Variants in SASH1 observed in about 807,000 individuals in gnomAD.
SASH1 encodes the protein SAM and SH3 domain containing 1.
Under a neutral mutation model 125.2 loss-of-function variants are expected in SASH1, and 44 were observed. The observed-to-expected ratio is 0.35, with a 90% confidence interval of 0.28 to 0.45. SASH1 has a LOEUF of 0.45. Ranked by LOEUF, SASH1 falls within the 20% of genes least tolerant of loss-of-function variation. The pLI is 1.00. For missense variants in SASH1, 1,426 were observed against 1,614.5 expected (o/e 0.88, Z 2.00); for synonymous variants, 639 against 649.1 (o/e 0.98, Z 0.24).
At chr6:148,385,317 A>G (rs1184802391) in intron 1 of SASH1, among the ~76,000 whole-genome samples, 1 of 152,032 alleles carries the variant, frequency 6.6e-6, no homozygotes, top group Non-Finnish European at 1.5e-5. Context: ...TTATTGGGGG[A>G]GTTTTGAGTG....
At chr6:148,484,937 T>C (rs1213514231) in intron 7 of SASH1, among the ~76,000 whole-genome samples, 1 of 152,098 alleles carries the variant, frequency 6.6e-6, no homozygotes, top group Non-Finnish European at 1.5e-5. Context: ...AGCGAGACCC[T>C]GTTACAGAAA....
intron 1 of SASH1, among the ~76,000 whole-genome samples, chr6:148,323,820 G>A (rs1325971637): frequency 6.6e-6 from 1 of 151,942 alleles, no homozygotes; most frequent in Middle Eastern, 3.2e-3. Context: ...ATAGAAGACT[G>A]AGGCTCTCCA....
intron 12 of SASH1, among the ~76,000 whole-genome samples, 159 bp from the exon 13 acceptor site, chr6:148,531,367 C>T (rs779369841): frequency 1.9e-4 from 29 of 151,868 alleles, no homozygotes; most frequent in African/African-American, 5.6e-4. Context: ...TAAAAGTAAG[C>T]GAGGATGTAA....
the SASH1 span, among the ~76,000 whole-genome samples, chr6:148,245,139 T>C: frequency 6.6e-6 from 1 of 152,282 alleles, no homozygotes; most frequent in South Asian, 2.1e-4. Context: ...ATTTAGAATT[T>C]TAGAATCTGC....
chr6:148,278,500 T>C (rs1447654185), intron 1 of SASH1, among the ~76,000 whole-genome samples: 2 of 152,086 alleles, frequency 1.3e-5, no homozygotes, highest in Admixed American at 1.3e-4. Flanking sequence ...AATACTGAAT[T>C]AAATTAAATT....
rs983635984 is a variant in SASH1, at chr6:148,544,849, C to T, written c.3348+31C>T. ...AAAGGTCCTGGGCCCACCACGTTCA[C>T]AGGCCTTTGTTTGTAGAAGTCAGGC... is the stretch of plus-strand genomic sequence containing the variant. On this transcript the variant is annotated intron_variant, in intron 18 of 19. Coordinates refer to ENST00000367467, the MANE Select transcript of SASH1 (RefSeq NM_015278.5). This position sits in a 1 kb window ranked among gnomAD's most constrained non-coding sequence, Gnocchi z 6.4. 2 of 1,523,716 alleles carry T rather than the reference C, an allele frequency of 1.3e-6. No homozygotes were observed. Among genetic ancestry groups the T allele is most frequent in the Non-Finnish European group, 1.8e-6 (2 of 1,133,664 alleles). The allele number at this position is 1,523,716 out of a possible 1,614,324, so 94.4% of individuals were successfully genotyped here.
chr6:148,371,424 A>AT lies in SASH1; in HGVS notation c.157-18695dup, dbSNP rs796355261. Among the ~76,000 whole-genome samples, 447 of 141,494 alleles carry AT rather than the reference A, an allele frequency of 3.2e-3. 4 individuals carry two copies. The highest frequency in any genetic ancestry group is 7.4e-3 in the Middle Eastern group (2 of 272). 92.8% of individuals were successfully genotyped at this position (141,494 alleles called of 152,430 possible). On this transcript the variant is annotated intron_variant, in intron 1 of 19. Transcript: ENST00000367467. ...GGCACCCGCCAGTACACCTAGCTAA[A>AT]TTTTTTTTTTTTTTTGTATTTTTAG...
chr6:148,414,452 C>G (rs1188375673), intron 2 of SASH1, among the ~76,000 whole-genome samples: 1 of 152,084 alleles, frequency 6.6e-6, no homozygotes, highest in African/African-American at 2.4e-5. Flanking sequence ...GTGATTTAGT[C>G]TCTCTGAGCT....
At chr6:148,384,273 T>G (rs1028457284) in intron 1 of SASH1, among the ~76,000 whole-genome samples, 2 of 152,142 alleles carry the variant, frequency 1.3e-5, no homozygotes, top group Non-Finnish European at 2.9e-5. Flanking sequence ...GAACTAATAT[T>G]GCTTAAGTTT....
chr6:148,232,097 A>G, the SASH1 span, among the ~76,000 whole-genome samples: 1 of 152,158 alleles, frequency 6.6e-6, no homozygotes, highest in South Asian at 2.1e-4. Context: ...CTTACTCGGT[A>G]TGATCTGGAC....
chr6:148,368,770 G>GCACGCGCACACA (rs1554245333), intron 1 of SASH1, among the ~76,000 whole-genome samples: 5 of 135,720 alleles, frequency 3.7e-5, no homozygotes, highest in African/African-American at 1.1e-4. Context: ...GCACGCGCGC[G>GCACGCGCACACA]CACACACACA....
At chr6:148,494,055 G>T (rs910101110) in intron 8 of SASH1, among the ~76,000 whole-genome samples, 19 of 151,996 alleles carry the variant, frequency 1.3e-4, no homozygotes, top group African/African-American at 4.6e-4. Flanking sequence ...CTGTTTTACC[G>T]GGTTTTCTAG....
chr6:148,417,518 G>C (rs1385017277), intron 2 of SASH1, among the ~76,000 whole-genome samples: 1 of 152,136 alleles, frequency 6.6e-6, no homozygotes, highest in African/African-American at 2.4e-5. Context: ...CTAGGAGGCA[G>C]AGGTTGCAGT....
At chr6:148,236,325 C>T in the SASH1 span, among the ~76,000 whole-genome samples, 7 of 152,102 alleles carry the variant, frequency 4.6e-5, no homozygotes, top group East Asian at 7.8e-4. Flanking sequence ...GTGATTCTCC[C>T]GCCTCAGCCT....
At chr6:148,393,451 G>C (rs892032656) in intron 2 of SASH1, among the ~76,000 whole-genome samples, 1 of 152,016 alleles carries the variant, frequency 6.6e-6, no homozygotes, top group Admixed American at 6.6e-5. Flanking sequence ...TGATTGCTGT[G>C]AACTGGCAGA....
At chr6:148,448,839 AC>A (rs1776935425) in intron 4 of SASH1, among the ~76,000 whole-genome samples, 1 of 151,718 alleles carries the variant, frequency 6.6e-6, no homozygotes, top group Non-Finnish European at 1.5e-5. Context: ...CTTCCTCTTG[AC>A]CCTTCTCTAA....
intron 4 of SASH1, among the ~76,000 whole-genome samples, chr6:148,464,923 T>C (rs755081508): frequency 2.0e-4 from 30 of 152,136 alleles, no homozygotes; most frequent in Non-Finnish European, 3.7e-4. Context: ...ATAAAGAAAC[T>C]ACAGTGCCAT....
chr6:148,260,026 T>C, the SASH1 span, among the ~76,000 whole-genome samples: 1 of 152,124 alleles, frequency 6.6e-6, no homozygotes, highest in Admixed American at 6.5e-5. Context: ...GCTAGGACTA[T>C]AAGGCATGTA....
At chr6:148,465,179 CA>C (rs1041426938) in intron 4 of SASH1, among the ~76,000 whole-genome samples, 3 of 152,234 alleles carry the variant, frequency 2.0e-5, no homozygotes, top group South Asian at 4.1e-4. Context: ...TAAAAATTCA[CA>C]ATTTGTGTTT....
Sources: allele counts gnomAD v4.1 joint callset (sites outside exome capture counted in the v4.1 genomes callset), GRCh38; gene constraint gnomAD v4.1.1; non-coding constraint Gnocchi (gnomAD v3.1); transcripts MANE v1.5; gene names NCBI Gene and HGNC (gene_info 2026-07-23, HGNC 2026-07-21).